Variants in DEFB127 observed in about 807,000 individuals in gnomAD.
DEFB127 encodes beta-defensin 127.
Under a neutral mutation model 2.4 loss-of-function variants are expected in DEFB127, and 2 were observed. The ratio of observed to expected loss-of-function variants is 0.82; its 90% CI spans 0.34 to 2.58. The LOEUF (loss-of-function observed/expected upper bound fraction) is 2.58. Ranked by LOEUF, DEFB127 falls within the 30% of genes most tolerant of loss-of-function variation. The probability of loss-of-function intolerance (pLI) is 0.11; values close to 1 mark genes in which losing one functional copy is unlikely to be tolerated. For synonymous variants in DEFB127, 37 were observed against 39.8 expected (o/e 0.93, Z 0.26); for missense variants, 110 against 113.2 (o/e 0.97, Z 0.13).
chr20:158,885 G>T lies in DEFB127; in HGVS notation c.161G>T (p.Cys54Phe). 1 of 1,613,792 alleles carries T rather than the reference G, an allele frequency of 6.2e-7. No individual in the cohort carries two copies. The highest frequency in any genetic ancestry group is 8.5e-7 in the Non-Finnish European group (1 of 1,179,818). Residue 54 changes from cysteine to phenylalanine, a missense_variant, in exon 2 of 2, where the codon TGC becomes TTC. Cys to Phe is a radical substitution (Grantham distance 205). Coordinates refer to ENST00000382388, the MANE Select transcript of DEFB127 (RefSeq NM_139074.4). ...CTATGTGAAAATGGGAGATACTGTT[G>T]CCTCAATATCAAGGAACTGGAAGCA... The part of the protein sequence containing the change: ...EALCENGRYC[C>F]LNIKELEACK...
At chr20:158,291 A>G (rs2054711101) in intron 1 of DEFB127, among the ~76,000 whole-genome samples, 1 of 152,152 alleles carries the variant, frequency 6.6e-6, no homozygotes, top group Non-Finnish European at 1.5e-5. Context: ...ACTGGATAAC[A>G]TGAAAGTCAT....
Position 158,757 on chromosome 20 carries a change from C to T in DEFB127, c.50-17C>T, listed in dbSNP as rs1001586049. The T allele has an allele frequency of 6.3e-7, 1 of 1,597,698 alleles. No individual in the cohort carries two copies. The highest frequency in any genetic ancestry group is 8.5e-7 in the Non-Finnish European group (1 of 1,172,676). On this transcript the variant is annotated splice_polypyrimidine_tract_variant and intron_variant, in intron 1 of 1. Transcript: ENST00000382388. ...CTCAAACACTGATATTGTTCTATTG[C>T]TCCTTTCTGTGTATAGTAACCGAAC... is the stretch of plus-strand genomic sequence containing the variant.
At chr20:158,167 G>C (rs1433702864) in intron 1 of DEFB127, among the ~76,000 whole-genome samples, 1 of 152,084 alleles carries the variant, frequency 6.6e-6, no homozygotes, top group African/African-American at 2.4e-5. Context: ...TCAAAAATTA[G>C]AGTTTCCTTT....
In DEFB127 at chr20:157,567, C is replaced by T. The variant is rs1393211935; in HGVS notation, c.23C>T (p.Ala8Val). The change falls in exon 1 of 2, where the codon GCA becomes GTA. Residue 8 changes from alanine to valine, a missense_variant. Coordinates refer to ENST00000382388, the MANE Select transcript of DEFB127 (RefSeq NM_139074.4). ...GCCATGGGGCTCTTCATGATCATTGCAATTCTGCTGTTCCAGAAACCCACA... is the reference window on the plus strand; with the variant it reads ...GCCATGGGGCTCTTCATGATCATTGTAATTCTGCTGTTCCAGAAACCCACA... MGLFMII[A>V]ILLFQKPTVT... The T allele has an allele frequency of 1.2e-6, 2 of 1,613,944 alleles. No individual in the cohort carries two copies. The highest frequency in any genetic ancestry group is 1.7e-6 in the Non-Finnish European group (2 of 1,179,908).
chr20:158,645 A>G, intron 1 of DEFB127, 129 bp from the exon 2 acceptor site: 1 of 887,826 alleles, frequency 1.1e-6, no homozygotes, highest in East Asian at 2.6e-5. Flanking sequence ...CCTCTTCAGA[A>G]TATATGAGGG....
In DEFB127 at chr20:159,143, T is replaced by C; in HGVS notation, c.*119T>C. The C allele has an allele frequency of 1.7e-6, 2 of 1,184,518 alleles. No homozygotes were observed. The highest frequency in any genetic ancestry group is 2.5e-5 in the East Asian group (1 of 39,310). 73.4% of individuals were successfully genotyped at this position (1,184,518 alleles called of 1,614,324 possible). A position where few individuals can be genotyped will look rare whatever the true frequency, so the allele number is the denominator to read the frequency against. The stretch of plus-strand genomic sequence containing the variant: ...CTTAAAATGACCTTCGAGCATATTC[T>C]AATAAAGTGCATTGCCAGTTTTCTG... On this transcript the variant is annotated 3_prime_UTR_variant, in exon 2 of 2. Transcript: ENST00000382388.
intron 1 of DEFB127, among the ~76,000 whole-genome samples, chr20:158,512 C>T (rs2054712045): frequency 6.6e-6 from 1 of 152,090 alleles, no homozygotes; most frequent in Non-Finnish European, 1.5e-5. Context: ...TTTATTTTCT[C>T]AGATAAGATC....
chr20:158,777 C>A lies in DEFB127; in HGVS notation c.53C>A (p.Thr18Asn). ...TATTGCTCCTTTCTGTGTATAGTAA[C>A]CGAACAACTTAAGAAGTGCTGGAAT... The part of the protein sequence containing the change: ...AILLFQKPTV[T>N]EQLKKCWNNY... Residue 18 changes from threonine to asparagine, a missense_variant, in exon 2 of 2, where the codon ACC becomes AAC. Thr to Asn is a moderately conservative substitution (Grantham distance 65). Transcript: ENST00000382388. 6.2e-7 allele frequency: 1 copy of A among 1,609,758 alleles called. No homozygotes were observed. The highest frequency in any genetic ancestry group is 1.7e-5 in the Admixed American group (1 of 59,190).
At chr20:158,508 T>C (rs2054712034) in intron 1 of DEFB127, among the ~76,000 whole-genome samples, 1 of 152,152 alleles carries the variant, frequency 6.6e-6, no homozygotes, top group South Asian at 2.1e-4. Context: ...CTCCTTTATT[T>C]TCTCAGATAA....
In DEFB127 at chr20:158,894, T is replaced by C. The variant is rs771405849; in HGVS notation, c.170T>C (p.Ile57Thr). ...AATGGGAGATACTGTTGCCTCAATA[T>C]CAAGGAACTGGAAGCATGTAAAAAA... ...CENGRYCCLN[I>T]KELEACKKIT... is the part of the protein sequence containing the mutation. Residue 57 changes from isoleucine (I) to threonine (T), a missense_variant, in exon 2 of 2, where the codon ATC (isoleucine) becomes ACC (threonine). By Grantham distance (89) the Ile-to-Thr change is moderately conservative (BLOSUM62 -1). Coordinates refer to ENST00000382388, the MANE Select transcript of DEFB127 (RefSeq NM_139074.4). 1 of 1,613,776 alleles carries C rather than the reference T, an allele frequency of 6.2e-7. No individual in the cohort carries two copies. Among genetic ancestry groups the C allele is most frequent in the Non-Finnish European group, 8.5e-7 (1 of 1,179,820 alleles).
At chr20:157,931 A>ATGTGTGTGTGTG (rs1190932870) in intron 1 of DEFB127, among the ~76,000 whole-genome samples, 2 of 21,116 alleles carry the variant, frequency 9.5e-5, no homozygotes, top group African/African-American at 1.2e-4. Flanking sequence ...AAATATATAT[A>ATGTGTGTGTGTG]TGTGTGTGTG....
Position 158,920 on chromosome 20 carries a change from A to G in DEFB127, c.196A>G (p.Ile66Val). The part of the protein sequence containing the change: ...NIKELEACKK[I>V]TKPPRPKPAT... ...CAAGGAACTGGAAGCATGTAAAAAA[A>G]TTACAAAGCCACCTCGTCCAAAGCC... The change falls in exon 2 of 2, where the codon ATT (isoleucine) becomes GTT (valine). Residue 66 changes from isoleucine (I) to valine (V), a missense_variant. By Grantham distance (29) the Ile-to-Val change is conservative. Transcript: ENST00000382388. The G allele has an allele frequency of 6.2e-7, 1 of 1,613,778 alleles. No individual in the cohort carries two copies. Among genetic ancestry groups the G allele is most frequent in the Non-Finnish European group, 8.5e-7 (1 of 1,179,788 alleles).
At position 157,548 on chromosome 20, in the gene DEFB127, G is replaced by A. The variant is rs1455079299; in HGVS notation, c.4G>A (p.Gly2Arg). 2 of 1,613,768 alleles carry A rather than the reference G, an allele frequency of 1.2e-6. No homozygotes were observed. Among genetic ancestry groups the A allele is most frequent in the Non-Finnish European group, 1.7e-6 (2 of 1,179,872 alleles). Reference sequence around the variant, plus strand: ...ACCTCTTCTGGAAAGCCTGGCCATGGGGCTCTTCATGATCATTGCAATTCT... The same window carrying A: ...ACCTCTTCTGGAAAGCCTGGCCATGAGGCTCTTCATGATCATTGCAATTCT... M[G>R]LFMIIAILLF... Residue 2 changes from glycine (G) to arginine (R), a missense_variant, in exon 1 of 2, where the codon GGG becomes AGG. Coordinates refer to ENST00000382388, the MANE Select transcript of DEFB127 (RefSeq NM_139074.4).
chr20:158,133 T>C (rs561660237), intron 1 of DEFB127, among the ~76,000 whole-genome samples: 49 of 152,290 alleles, frequency 3.2e-4, no homozygotes, highest in African/African-American at 1.2e-3. Flanking sequence ...ATAACCTATG[T>C]GAAGCTTGGC....
chr20:158,855 A>T lies in DEFB127; in HGVS notation c.131A>T (p.Glu44Val). ...RKICRVNEVP[E>V]ALCENGRYCC... ...ATCTGCAGAGTAAATGAAGTGCCTGAGGCACTATGTGAAAATGGGAGATAC... is the reference window on the plus strand; with the variant it reads ...ATCTGCAGAGTAAATGAAGTGCCTGTGGCACTATGTGAAAATGGGAGATAC... Residue 44 changes from glutamate (E) to valine (V), a missense_variant, in exon 2 of 2, where the codon GAG (glutamate) becomes GTG (valine). Physicochemically the swap from Glu to Val is moderately radical, Grantham distance 121 (BLOSUM62 -2). Transcript: ENST00000382388. The T allele has an allele frequency of 6.2e-7, 1 of 1,613,798 alleles. No homozygotes were observed.
intron 1 of DEFB127, among the ~76,000 whole-genome samples, 175 bp downstream of exon 1, chr20:157,768 TAAAG>T (rs960743898): frequency 2.0e-5 from 3 of 152,164 alleles, no homozygotes; most frequent in African/African-American, 7.2e-5. Flanking sequence ...TTACTATCCT[TAAAG>T]AGGAGTACTC....
Position 159,105 on chromosome 20 carries a change from T to C in DEFB127, c.*81T>C, listed in dbSNP as rs2054715372. On this transcript the variant is annotated 3_prime_UTR_variant, in exon 2 of 2. Coordinates refer to ENST00000382388, the MANE Select transcript of DEFB127 (RefSeq NM_139074.4). ...GATGAGATATACATCTTCTTCCTTT[T>C]GGTTTCTTGATCCTTAAAATGACCT... 1 of 1,412,338 alleles carries C rather than the reference T, an allele frequency of 7.1e-7. No individual in the cohort carries two copies. Among genetic ancestry groups the C allele is most frequent in the Non-Finnish European group, 9.5e-7 (1 of 1,050,426 alleles). 87.5% of individuals were successfully genotyped at this position (1,412,338 alleles called of 1,614,324 possible).
Position 157,456 on chromosome 20 carries a change from A to G in DEFB127, c.-89A>G, listed in dbSNP as rs1282051622. On this transcript the variant is annotated 5_prime_UTR_variant, in exon 1 of 2. Transcript: ENST00000382388. ...CATCCCATCTGTTCTGGTTCAGTGCATAAGAATCTAAGTCTCTGAGGAAGG... is the reference window on the plus strand; with the variant it reads ...CATCCCATCTGTTCTGGTTCAGTGCGTAAGAATCTAAGTCTCTGAGGAAGG... 1.4e-6 allele frequency: 2 copies of G among 1,403,810 alleles called. No homozygotes were observed. The highest frequency in any genetic ancestry group is 4.6e-5 in the East Asian group (2 of 43,914). The allele number at this position is 1,403,810 out of a possible 1,614,324, so 87.0% of individuals were successfully genotyped here.
Position 158,768 on chromosome 20 carries a change from G to A in DEFB127, c.50-6G>A, listed in dbSNP as rs12624951. On this transcript the variant is annotated splice_polypyrimidine_tract_variant and splice_region_variant and intron_variant, in intron 1 of 1. Coordinates refer to ENST00000382388, the MANE Select transcript of DEFB127 (RefSeq NM_139074.4). ...ATATTGTTCTATTGCTCCTTTCTGT[G>A]TATAGTAACCGAACAACTTAAGAAG... is the stretch of plus-strand genomic sequence containing the variant. The A allele has an allele frequency of 0.35, 564,176 of 1,604,070 alleles. 104,221 individuals carry two copies. The highest frequency in any genetic ancestry group is 0.5 in the East Asian group (22,331 of 44,806).
Sources: allele counts gnomAD v4.1 joint callset (sites outside exome capture counted in the v4.1 genomes callset), GRCh38; gene constraint gnomAD v4.1.1; transcripts MANE v1.5; gene names NCBI Gene and HGNC (gene_info 2026-07-23, HGNC 2026-07-21).